Variants in VRK2 observed in about 807,000 individuals in gnomAD.
VRK2 encodes VRK serine/threonine kinase 2.
VRK2 carries 60 observed loss-of-function variants against 57.6 expected under a neutral mutation model. The ratio of observed to expected loss-of-function variants is 1.04; its 90% CI spans 0.85 to 1.29. VRK2 has a LOEUF of 1.29. VRK2 is among the 50% of genes most tolerant of loss of function. The probability of loss-of-function intolerance (pLI) is 0.00; values close to 1 mark genes in which losing one functional copy is unlikely to be tolerated. For synonymous variants in VRK2, 231 were observed against 199.2 expected, an observed-to-expected ratio of 1.16 and a Z score of -1.35; for missense variants, 705 against 588.1, an observed-to-expected ratio of 1.20 and a Z score of -2.06.
At chr2:58,058,064 T>C (rs1676793734) in intron 2 of VRK2, among the ~76,000 whole-genome samples, 2 of 152,086 alleles carry the variant, frequency 1.3e-5, no homozygotes, top group Admixed American at 1.3e-4. Context: ...GAGGCAGTAT[T>C]ATTGAGCCCA....
At chr2:58,078,621 A>C (rs1032971089) in intron 2 of VRK2, among the ~76,000 whole-genome samples, 14 of 152,096 alleles carry the variant, frequency 9.2e-5, no homozygotes, top group Non-Finnish European at 1.8e-4. Flanking sequence ...TCAACGGTGC[A>C]CAAGAGTTCC....
intron 1 of VRK2, among the ~76,000 whole-genome samples, chr2:57,940,285 G>A (rs1408098135): frequency 6.6e-6 from 1 of 152,016 alleles, no homozygotes; most frequent in African/African-American, 2.4e-5. Context: ...CACAGTCAAG[G>A]AAAAGAGAGG....
chr2:58,081,263 AGTGT>A (rs762304491), intron 2 of VRK2, among the ~76,000 whole-genome samples: 1 of 151,894 alleles, frequency 6.6e-6, no homozygotes, highest in Non-Finnish European at 1.5e-5. Flanking sequence ...GACAGGATTG[AGTGT>A]GTGTGTGCAT....
At chr2:58,121,204 G>C (rs893942044) in intron 7 of VRK2, among the ~76,000 whole-genome samples, 1 of 152,148 alleles carries the variant, frequency 6.6e-6, no homozygotes, top group Non-Finnish European at 1.5e-5. Flanking sequence ...CATACTGCTT[G>C]GTGCATAGTA....
chr2:58,105,936 A>G (rs1445426573), intron 7 of VRK2, among the ~76,000 whole-genome samples: 1 of 151,936 alleles, frequency 6.6e-6, no homozygotes, highest in Admixed American at 6.6e-5. Context: ...ATGACAGTCA[A>G]ATTATATCAG....
At chr2:58,048,654 A>G (rs1675243943) in intron 1 of VRK2, 173 bp from the exon 2 acceptor site, 1 of 1,504,524 alleles carries the variant, frequency 6.6e-7, no homozygotes, top group Admixed American at 2.1e-5. Flanking sequence ...ATGTATGTGA[A>G]TTTCTAATTT....
chr2:57,958,215 ACT>A (rs1464406131), intron 1 of VRK2, among the ~76,000 whole-genome samples: 1 of 152,106 alleles, frequency 6.6e-6, no homozygotes, highest in Non-Finnish European at 1.5e-5. Context: ...TGAATTTGTG[ACT>A]CTAATTTAGG....
At chr2:58,077,897 T>C (rs533885367) in intron 2 of VRK2, among the ~76,000 whole-genome samples, 41 of 152,144 alleles carry the variant, frequency 2.7e-4, no homozygotes, top group Non-Finnish European at 4.1e-4. Flanking sequence ...AGCAAAGAGA[T>C]AGCTGGCAAC....
At chr2:58,065,891 T>C (rs1668538301) in intron 2 of VRK2, among the ~76,000 whole-genome samples, 1 of 152,154 alleles carries the variant, frequency 6.6e-6, no homozygotes, top group Admixed American at 6.6e-5. Flanking sequence ...TTTTAAATTT[T>C]AGTTTCCATT....
intron 2 of VRK2, chr2:58,058,266 TG>T: frequency 2.2e-6 from 1 of 447,656 alleles, no homozygotes; most frequent in Admixed American, 2.6e-5. Flanking sequence ...ATTTAACTTT[TG>T]GGAATGATGA....
intron 8 of VRK2, among the ~76,000 whole-genome samples, chr2:58,123,601 C>A (rs1008344297): frequency 5.3e-5 from 8 of 152,126 alleles, no homozygotes; most frequent in African/African-American, 1.9e-4. Context: ...GTGGCTCACA[C>A]CTATAATCCC....
rs570173528 is a variant in VRK2 at position 57,984,356 on chromosome 2, T to C, written c.-438-41309T>C. Among the ~76,000 whole-genome samples, 6 of 152,204 alleles carry C rather than the reference T, an allele frequency of 3.9e-5. No individual in the cohort carries two copies. The South Asian group carries it at 8.3e-4, about 21-fold the overall frequency. On this transcript the variant is annotated intron_variant, in intron 1 of 15. Coordinates refer to the VRK2 transcript ENST00000417641. ...GAAAATGAGAGGAAAAAAACCCTCT[T>C]AGCAAAGTGTTTTAAGTATGTTAAG...
intron 1 of VRK2, among the ~76,000 whole-genome samples, chr2:58,008,880 G>C (rs1056324371): frequency 1.3e-5 from 2 of 152,054 alleles, no homozygotes; most frequent in Non-Finnish European, 2.9e-5. Flanking sequence ...CCAAGATCAA[G>C]GCACTGGAAA....
At chr2:58,025,391 CT>C (rs1324947288) in intron 1 of VRK2, among the ~76,000 whole-genome samples, 4 of 152,016 alleles carry the variant, frequency 2.6e-5, no homozygotes, top group Admixed American at 2.0e-4. Context: ...TTTCCTTCTT[CT>C]TTTTGGCTTC....
intron 9 of VRK2, among the ~76,000 whole-genome samples, chr2:58,134,768 G>A (rs75593746): frequency 1.3e-5 from 2 of 151,980 alleles, no homozygotes; most frequent in Non-Finnish European, 2.9e-5. Context: ...AGACTTCCTT[G>A]GGTCTTTGGT....
At chr2:58,068,781 C>T (rs1327672999) in intron 2 of VRK2, among the ~76,000 whole-genome samples, 1 of 141,706 alleles carries the variant, frequency 7.1e-6, no homozygotes, top group African/African-American at 2.6e-5. Flanking sequence ...TTTCTTATGT[C>T]ATCTCCCTAA....
At chr2:58,150,164 T>G (rs1158873951) in intron 12 of VRK2, among the ~76,000 whole-genome samples, 1 of 151,542 alleles carries the variant, frequency 6.6e-6, no homozygotes, top group African/African-American at 2.4e-5. Flanking sequence ...TGTTGCACTC[T>G]GTTTTCAGAA....
intron 2 of VRK2, among the ~76,000 whole-genome samples, chr2:58,051,273 A>G (rs1387081379): frequency 2.0e-5 from 3 of 152,208 alleles, no homozygotes; most frequent in Non-Finnish European, 4.4e-5. Flanking sequence ...AAGATTAGCA[A>G]GTACACACCA....
intron 1 of VRK2, among the ~76,000 whole-genome samples, chr2:57,958,433 ACATG>A (rs1478895374): frequency 6.1e-5 from 9 of 148,242 alleles, no homozygotes; most frequent in African/African-American, 2.1e-4. Flanking sequence ...GTGTGTATAT[ACATG>A]TATATATATT....
Sources: gnomAD v4.1 joint callset for allele counts (sites outside exome capture counted in the v4.1 genomes callset) on GRCh38, gnomAD v4.1.1 for gene constraint, MANE v1.5 for transcripts, NCBI Gene and HGNC (gene_info 2026-07-23, HGNC 2026-07-21) for gene names.